Variants in BRINP3 observed in about 807,000 individuals in gnomAD.
The protein encoded by BRINP3 is BMP/retinoic acid-inducible neural-specific protein 3.
A neutral mutation model predicts 71.0 loss-of-function variants in BRINP3; 19 were observed. The observed-to-expected ratio is 0.27, with a 90% CI of 0.19 to 0.39. The LOEUF is 0.39. Ranked by LOEUF, BRINP3 falls within the 10% of genes least tolerant of loss-of-function variation. The pLI is 1.00. For synonymous variants in BRINP3, 380 were observed against 337.7 expected, an observed-to-expected ratio of 1.13 and a Z score of -1.37; for missense variants, 959 against 940.8, an observed-to-expected ratio of 1.02 and a Z score of -0.25.
chr1:190,185,994 CATTAT>C (rs1171624406), intron 6 of BRINP3, among the ~76,000 whole-genome samples: 10 of 152,036 alleles, frequency 6.6e-5, no homozygotes, highest in Non-Finnish European at 1.2e-4. Flanking sequence ...TGACACCATA[CATTAT>C]ATTTATGAAA....
At chr1:190,262,488 G>A (rs895456069) in intron 4 of BRINP3, among the ~76,000 whole-genome samples, 2 of 152,052 alleles carry the variant, frequency 1.3e-5, no homozygotes, top group Non-Finnish European at 2.9e-5. Flanking sequence ...CACAAGATGG[G>A]TACTTCTGTT....
Position 190,098,403 on chromosome 1 carries a change from T to C in BRINP3, c.1916A>G (p.Asn639Ser), listed in dbSNP as rs759540534. 1.9e-6 allele frequency: 3 copies of C among 1,614,212 alleles called. No individual in the cohort carries two copies. Among genetic ancestry groups the C allele is most frequent in the Non-Finnish European group, 2.5e-6 (3 of 1,180,036 alleles). Residue 639 changes from asparagine to serine, a missense_variant, in exon 8 of 8, where the codon AAT becomes AGT. Coordinates refer to ENST00000367462, the MANE Select transcript of BRINP3 (RefSeq NM_199051.3). ...TTCATAGTAAATGCTCTCATTACCA[T>C]TGGGACCATTGGACTTGATGCGACT... Reference protein sequence around the residue: ...LRSRIKSNGPNGNESIYYEPL... With the variant: ...LRSRIKSNGPSGNESIYYEPL...
At chr1:190,450,839 A>C (rs1359788723) in intron 2 of BRINP3, among the ~76,000 whole-genome samples, 1 of 151,960 alleles carries the variant, frequency 6.6e-6, no homozygotes, top group Non-Finnish European at 1.5e-5. Flanking sequence ...ACTTATTCAA[A>C]AGTTCACTCT....
chr1:190,171,407 C>T (rs1651999209), intron 6 of BRINP3, among the ~76,000 whole-genome samples: 1 of 152,122 alleles, frequency 6.6e-6, no homozygotes, highest in Non-Finnish European at 1.5e-5. Context: ...ACAGGAAACA[C>T]TTGCTTGCCA....
intron 2 of BRINP3, among the ~76,000 whole-genome samples, chr1:190,347,087 T>C (rs1404101057): frequency 1.3e-5 from 2 of 152,072 alleles, no homozygotes; most frequent in Non-Finnish European, 2.9e-5. Flanking sequence ...ACCCTAATAA[T>C]AGCTATCATT....
intron 2 of BRINP3, among the ~76,000 whole-genome samples, chr1:190,358,432 C>T (rs1184264876): frequency 6.6e-6 from 1 of 152,170 alleles, no homozygotes; most frequent in Non-Finnish European, 1.5e-5. Context: ...CACTGGCCAT[C>T]AGCAAAATGC....
intron 6 of BRINP3, among the ~76,000 whole-genome samples, chr1:190,167,994 C>T (rs895671781): frequency 1.9e-4 from 29 of 152,090 alleles, no homozygotes; most frequent in African/African-American, 6.5e-4. Flanking sequence ...GAAATCAGTT[C>T]AGCTCTGACT....
intron 7 of BRINP3, among the ~76,000 whole-genome samples, chr1:190,125,312 TTATA>T (rs1266240607): frequency 2.6e-5 from 4 of 151,436 alleles, no homozygotes; most frequent in Non-Finnish European, 5.9e-5. Flanking sequence ...ATTTACAGGT[TTATA>T]TATATACATA....
At chr1:190,148,235 T>A (rs1358677061) in intron 7 of BRINP3, among the ~76,000 whole-genome samples, 1 of 152,072 alleles carries the variant, frequency 6.6e-6, no homozygotes, top group Admixed American at 6.6e-5. Flanking sequence ...GTCTTCTCTC[T>A]ATGGAAATTC....
chr1:190,308,160 G>A (rs560266594), intron 2 of BRINP3, among the ~76,000 whole-genome samples: 1 of 151,822 alleles, frequency 6.6e-6, no homozygotes, highest in East Asian at 1.9e-4. Flanking sequence ...TAAGGGCAAC[G>A]TAGACATAAT....
intron 6 of BRINP3, among the ~76,000 whole-genome samples, chr1:190,191,229 T>C (rs1654005722): frequency 6.6e-6 from 1 of 152,258 alleles, no homozygotes; most frequent in Non-Finnish European, 1.5e-5. Context: ...AAAAACCCCA[T>C]TTCCAGGTTT....
At chr1:190,316,925 C>T (rs1665918896) in intron 2 of BRINP3, among the ~76,000 whole-genome samples, 5 of 151,958 alleles carry the variant, frequency 3.3e-5, no homozygotes. Flanking sequence ...GTAACCCTAG[C>T]ATTTTTTAAG....
chr1:190,383,110 C>A (rs1012916194), intron 2 of BRINP3, among the ~76,000 whole-genome samples: 1 of 152,010 alleles, frequency 6.6e-6, no homozygotes, highest in East Asian at 1.9e-4. Context: ...TTTTTCCTCC[C>A]TATTCAACTC....
intron 3 of BRINP3, among the ~76,000 whole-genome samples, chr1:190,272,504 C>T (rs1441997475): frequency 6.6e-6 from 1 of 151,442 alleles, no homozygotes; most frequent in East Asian, 1.9e-4. Flanking sequence ...AATCCCTCTA[C>T]AGTACCTGGT....
At chr1:190,370,793 TCTCA>T (rs1235910310) in intron 2 of BRINP3, among the ~76,000 whole-genome samples, 1 of 152,176 alleles carries the variant, frequency 6.6e-6, no homozygotes, top group Non-Finnish European at 1.5e-5. Flanking sequence ...TTCTCTACAT[TCTCA>T]CTATCGCTAG....
intron 2 of BRINP3, among the ~76,000 whole-genome samples, chr1:190,312,291 G>C (rs1037616759): frequency 5.3e-5 from 8 of 150,772 alleles, no homozygotes; most frequent in Admixed American, 2.0e-4. Flanking sequence ...TATTGTTACA[G>C]AGAATATGCA....
intron 6 of BRINP3, among the ~76,000 whole-genome samples, chr1:190,186,292 A>G (rs1013575189): frequency 6.6e-6 from 1 of 152,188 alleles, no homozygotes; most frequent in East Asian, 1.9e-4. Flanking sequence ...GCTTGAACCC[A>G]GAAGGCAGAG....
rs373703733 is a variant in BRINP3 at position 190,097,874 on chromosome 1, G to C, written c.*144C>G. ...ATATTCATTGTCAGCAAGTTCATGT[G>C]TGTAAATTGCCATCCAATGTTATTG... On this transcript the variant is annotated 3_prime_UTR_variant, in exon 8 of 8. Transcript: ENST00000367462. The C allele has an allele frequency of 9.0e-6, 8 of 892,080 alleles. No homozygotes were observed. The South Asian group carries it at 1.4e-4, about 16-fold the overall frequency. 55.3% of individuals were successfully genotyped at this position (892,080 alleles called of 1,614,324 possible).
rs117106211 is a variant in BRINP3 at position 190,210,887 on chromosome 1, G to A, written c.961+15195C>T. 7.2e-4 allele frequency among the ~76,000 whole-genome samples: 109 copies of A among 152,180 alleles called. 1 individual carries two copies. In the East Asian group the frequency reaches 0.02, roughly 28 times the overall value. On this transcript the variant is annotated intron_variant, in intron 6 of 7. Transcript: ENST00000367462. ...TAGAATAAAGCAGGCAGAAGAATGC[G>A]GAAGGACTACGCTTGTTGAGTCTTC...
Sources: gnomAD v4.1 joint callset for allele counts (sites outside exome capture counted in the v4.1 genomes callset) on GRCh38, gnomAD v4.1.1 for gene constraint, MANE v1.5 for transcripts, NCBI Gene and HGNC (gene_info 2026-07-23, HGNC 2026-07-21) for gene names.